The following LY86 variants were observed in gnomAD, a reference collection of about 807,000 sequenced individuals.
LY86 encodes lymphocyte antigen 86, also known as MD-1, RP105-associated.
In LY86, 20 loss-of-function variants were observed where a neutral mutation model predicts 17.3. That is an observed-to-expected ratio of 1.15 (90% CI 0.81 to 1.68). LY86 has a LOEUF of 1.68. LY86 is among the 40% of genes most tolerant of loss of function. The probability of loss-of-function intolerance (pLI) is 0.00; values close to 1 mark genes in which losing one functional copy is unlikely to be tolerated. For synonymous variants in LY86, 74 were observed against 70.6 expected (o/e 1.05, Z -0.24); for missense variants, 200 against 191.9 (o/e 1.04, Z -0.25).
chr6:6,652,946 TAAAGA>T (rs759016555), intron 4 of LY86, among the ~76,000 whole-genome samples: 1 of 152,230 alleles, frequency 6.6e-6, no homozygotes, highest in Non-Finnish European at 1.5e-5. Flanking sequence ...ATAGAGATTT[TAAAGA>T]AAAGTACATG....
chr6:6,616,179 A>G (rs1761549431), intron 1 of LY86, among the ~76,000 whole-genome samples: 1 of 152,234 alleles, frequency 6.6e-6, no homozygotes, highest in African/African-American at 2.4e-5. Flanking sequence ...ACCTTCGCAG[A>G]GTGACAGTGA....
rs145701977 is a variant in LY86 at position 6,637,944 on chromosome 6, G to A, written c.352+11523G>A. ...AAAATTTAGGAACTGGTTGGTAGGTGGAACAAAAAAACTTAAATTCTTTTT... is the reference window on the plus strand; with the variant it reads ...AAAATTTAGGAACTGGTTGGTAGGTAGAACAAAAAAACTTAAATTCTTTTT... On this transcript the variant is annotated intron_variant, in intron 3 of 4. Transcript: ENST00000230568. 5.5e-3 allele frequency among the ~76,000 whole-genome samples: 843 copies of A among 152,286 alleles called. 8 individuals carry two copies. The highest frequency in any genetic ancestry group is 8.0e-3 in the Non-Finnish European group (541 of 68,008).
chr6:6,612,561 T>A (rs6941260), intron 1 of LY86, among the ~76,000 whole-genome samples: 2 of 151,914 alleles, frequency 1.3e-5, no homozygotes, highest in Admixed American at 6.6e-5. Flanking sequence ...CAACCAGTTG[T>A]CACTAGTGGA....
At chr6:6,640,810 G>A (rs1323798870) in intron 3 of LY86, among the ~76,000 whole-genome samples, 1 of 152,106 alleles carries the variant, frequency 6.6e-6, no homozygotes, top group Non-Finnish European at 1.5e-5. Flanking sequence ...AGGACCATGA[G>A]TGAAGAAACC....
chr6:6,649,709 G>GT, intron 4 of LY86, 32 bp downstream of exon 4: 1 of 1,301,192 alleles, frequency 7.7e-7, no homozygotes, highest in East Asian at 2.3e-5. Flanking sequence ...GTATTAAATA[G>GT]TTTGTTTCTT....
At chr6:6,588,940 C>A (rs1220765567) in intron 1 of LY86, 70 bp downstream of exon 1, 3 of 1,538,874 alleles carry the variant, frequency 1.9e-6, no homozygotes, top group Non-Finnish European at 2.6e-6. Flanking sequence ...GCCGCTAGTG[C>A]TCAGTTGGAG....
chr6:6,607,690 AGTT>A (rs1190174463), intron 1 of LY86, among the ~76,000 whole-genome samples: 1 of 149,856 alleles, frequency 6.7e-6, no homozygotes, highest in East Asian at 2.0e-4. Flanking sequence ...ACCTGAGGTC[AGTT>A]GTTCAAGATC....
At chr6:6,602,824 G>A (rs935292513) in intron 1 of LY86, among the ~76,000 whole-genome samples, 2 of 152,140 alleles carry the variant, frequency 1.3e-5, no homozygotes, top group Non-Finnish European at 2.9e-5. Context: ...ACTGTGTATT[G>A]GACAAGCTTA....
intron 1 of LY86, among the ~76,000 whole-genome samples, chr6:6,600,691 G>C (rs912214983): frequency 6.7e-6 from 1 of 150,214 alleles, no homozygotes; most frequent in Non-Finnish European, 1.5e-5. Flanking sequence ...GCCTGCTTCT[G>C]GTCTTTTCTC....
At chr6:6,606,643 G>C (rs71559122) in intron 1 of LY86, among the ~76,000 whole-genome samples, 1 of 152,180 alleles carries the variant, frequency 6.6e-6, no homozygotes, top group African/African-American at 2.4e-5. Context: ...GGCCCGGCGA[G>C]AAATTGAGCA....
chr6:6,595,289 GGAA>G (rs1760664783), intron 1 of LY86, among the ~76,000 whole-genome samples: 1 of 148,052 alleles, frequency 6.8e-6, no homozygotes, highest in Non-Finnish European at 1.5e-5. Flanking sequence ...GAAGAGGTGG[GGAA>G]GAAGAGGAGA....
chr6:6,653,948 A>G (rs1762223217), intron 4 of LY86, among the ~76,000 whole-genome samples: 1 of 152,200 alleles, frequency 6.6e-6, no homozygotes, highest in Admixed American at 6.5e-5. Context: ...TGAGGCAGCC[A>G]GAGGGATCTT....
intron 1 of LY86, among the ~76,000 whole-genome samples, chr6:6,592,986 T>G (rs1054686083): frequency 6.6e-6 from 1 of 152,242 alleles, no homozygotes; most frequent in African/African-American, 2.4e-5. Context: ...GCAAAGCTCA[T>G]TCAAATCTTG....
At chr6:6,605,699 G>A (rs762831324) in intron 1 of LY86, among the ~76,000 whole-genome samples, 10 of 152,130 alleles carry the variant, frequency 6.6e-5, no homozygotes, top group Non-Finnish European at 1.2e-4. Flanking sequence ...CTTAAAGAAT[G>A]AAGCCGCGGA....
intron 3 of LY86, among the ~76,000 whole-genome samples, chr6:6,643,127 G>A (rs1225413782): frequency 6.6e-6 from 1 of 152,140 alleles, no homozygotes; most frequent in Non-Finnish European, 1.5e-5. Context: ...CCTAGAAGTG[G>A]GATTGCTGAA....
At chr6:6,600,604 A>T (rs867997262) in intron 1 of LY86, among the ~76,000 whole-genome samples, 63 of 119,868 alleles carry the variant, frequency 5.3e-4, no homozygotes, top group African/African-American at 1.6e-3. Flanking sequence ...AAAAAAAAAA[A>T]AAAAAAAAAA....
chr6:6,602,230 C>A (rs1760932372), intron 1 of LY86, among the ~76,000 whole-genome samples: 1 of 152,194 alleles, frequency 6.6e-6, no homozygotes, highest in African/African-American at 2.4e-5. Context: ...GGAATATTCT[C>A]ATCAGCCCAA....
At chr6:6,620,567 C>G (rs1054338878) in intron 1 of LY86, among the ~76,000 whole-genome samples, 1 of 152,208 alleles carries the variant, frequency 6.6e-6, no homozygotes, top group Non-Finnish European at 1.5e-5. Context: ...CCCCCACCAT[C>G]CTCTGCTGAG....
chr6:6,628,602 G>GTGC (rs561208852), intron 3 of LY86, among the ~76,000 whole-genome samples: 41 of 152,104 alleles, frequency 2.7e-4, no homozygotes, highest in Admixed American at 1.7e-3. Flanking sequence ...AACAGATGAA[G>GTGC]TGCTCCCTCT....
Sources: allele counts gnomAD v4.1 joint callset (sites outside exome capture counted in the v4.1 genomes callset), GRCh38; gene constraint gnomAD v4.1.1; transcripts MANE v1.5; gene names NCBI Gene and HGNC (gene_info 2026-07-23, HGNC 2026-07-21).